Variants in HHLA1 observed in about 807,000 individuals in gnomAD.
The protein encoded by HHLA1 is HHLA1 neighbor of OC90.
HHLA1 carries 72 observed loss-of-function variants against 69.9 expected under a neutral mutation model. The ratio of observed to expected loss-of-function variants is 1.03; its 90% CI spans 0.85 to 1.25. The LOEUF (loss-of-function observed/expected upper bound fraction) is 1.25. HHLA1 is among the 50% of genes most tolerant of loss of function. The pLI, the probability that HHLA1 is intolerant of heterozygous loss-of-function variation, is 0.00. For missense variants in HHLA1, 685 were observed against 642.2 expected (o/e 1.07, Z -0.72); for synonymous variants, 252 against 233.2 (o/e 1.08, Z -0.73).
chr8:132,077,864 C>T lies in HHLA1; in HGVS notation c.1033G>A (p.Gly345Arg), dbSNP rs1823673164. 1.3e-6 allele frequency: 2 copies of T among 1,551,518 alleles called. No individual in the cohort carries two copies. The highest frequency in any genetic ancestry group is 1.7e-6 in the Non-Finnish European group (2 of 1,146,958). Residue 345 changes from glycine to arginine, a missense_variant, in exon 12 of 17, where the codon GGG (glycine) becomes AGG (arginine). Transcript: ENST00000414222. The stretch of plus-strand genomic sequence containing the variant: ...GAAGAACGAGTTTCCCAGAGAGACC[C>T]TCCAGGTTTTTTCTCACTGATGGTC... ...AQTISEKKPGGSLWETRSSPP... is the reference protein window; with the variant it reads ...AQTISEKKPGRSLWETRSSPP...
At chr8:132,083,660 G>A (rs1176361350) in intron 10 of HHLA1, among the ~76,000 whole-genome samples, 8 of 152,146 alleles carry the variant, frequency 5.3e-5, no homozygotes, top group South Asian at 2.1e-4. Flanking sequence ...CCCAGGCTGC[G>A]GGCATTCCTT....
intron 1 of HHLA1, among the ~76,000 whole-genome samples, chr8:132,109,483 A>G (rs1824261478): frequency 6.6e-6 from 1 of 152,224 alleles, no homozygotes; most frequent in Non-Finnish European, 1.5e-5. Context: ...TTTAATTTGC[A>G]GGACCTCATA....
At chr8:132,076,258 AAG>A in intron 13 of HHLA1, 129 bp from the exon 14 acceptor site, 1 of 792,202 alleles carries the variant, frequency 1.3e-6, no homozygotes, top group Non-Finnish European at 2.0e-6. Context: ...ATAGCCAAAA[AAG>A]GGGAAGTGAT....
Position 132,077,753 on chromosome 8 carries a change from T to C in HHLA1, c.1144A>G (p.Ser382Gly), listed in dbSNP as rs1823669584. 6.4e-7 allele frequency: 1 copy of C among 1,551,724 alleles called. No individual in the cohort carries two copies. ...AAGGTAGGGCTGGCCTGGGATGGGC[T>C]GCCAGGTGTGGCCATTATCTCAGCA... The part of the protein sequence containing the change: ...PAAEIMATPG[S>G]PSQASPTLGA... The change falls in exon 12 of 17, where the codon AGC becomes GGC. Residue 382 changes from serine to glycine, a missense_variant. Coordinates refer to ENST00000414222, the MANE Select transcript of HHLA1 (RefSeq NM_001145095.3).
intron 14 of HHLA1, among the ~76,000 whole-genome samples, chr8:132,073,056 TTTGACATG>T: frequency 6.6e-6 from 1 of 152,378 alleles, no homozygotes; most frequent in Middle Eastern, 3.4e-3. Context: ...CAATAATATC[TTTGACATG>T]TTGACATGTA....
intron 13 of HHLA1, 42 bp downstream of exon 13, chr8:132,076,433 T>TG: frequency 2.9e-6 from 1 of 349,206 alleles, no homozygotes; most frequent in Non-Finnish European, 5.3e-6. Context: ...ACCCCTCCCA[T>TG]CCCCCACCCC....
intron 10 of HHLA1, among the ~76,000 whole-genome samples, chr8:132,084,970 G>T (rs1039550975): frequency 6.6e-6 from 1 of 150,986 alleles, no homozygotes; most frequent in Non-Finnish European, 1.5e-5. Context: ...AAAGTGGGAT[G>T]TGCCGCTAAG....
intron 14 of HHLA1, among the ~76,000 whole-genome samples, chr8:132,074,859 GT>G (rs1823608194): frequency 6.6e-6 from 1 of 152,062 alleles, no homozygotes; most frequent in Admixed American, 6.6e-5. Flanking sequence ...GAGTGGGTAG[GT>G]TAATAAATAG....
chr8:132,081,578 A>G (rs900041862), intron 10 of HHLA1, among the ~76,000 whole-genome samples: 2 of 152,204 alleles, frequency 1.3e-5, no homozygotes, highest in African/African-American at 2.4e-5. Context: ...GACTGTATTG[A>G]GGTGGGAAGG....
Position 132,089,618 on chromosome 8 carries a change from A to G in HHLA1, c.449-19T>C. On this transcript the variant is annotated intron_variant, in intron 7 of 16. Coordinates refer to ENST00000414222, the MANE Select transcript of HHLA1 (RefSeq NM_001145095.3). ...GTAAAATCTGCAAGACAAATTTAGG[A>G]GGTTTAAATTTCTGCTTCAGAGACA... 8.2e-7 allele frequency: 1 copy of G among 1,220,890 alleles called. No individual in the cohort carries two copies. Among genetic ancestry groups the G allele is most frequent in the Non-Finnish European group, 1.2e-6 (1 of 844,468 alleles). The allele number at this position is 1,220,890 out of a possible 1,614,324, so 75.6% of individuals were successfully genotyped here. A position where few individuals can be genotyped will look rare whatever the true frequency, so the allele number is the denominator to read the frequency against.
At chr8:132,093,600 A>T (rs1823977017) in intron 7 of HHLA1, among the ~76,000 whole-genome samples, 1 of 152,220 alleles carries the variant, frequency 6.6e-6, no homozygotes, top group African/African-American at 2.4e-5. Flanking sequence ...TACCAGAGGA[A>T]CACCAGGCAA....
chr8:132,085,168 CAGAG>C (rs1204754951), intron 10 of HHLA1, among the ~76,000 whole-genome samples: 1 of 152,152 alleles, frequency 6.6e-6, no homozygotes, highest in Middle Eastern at 3.2e-3. Flanking sequence ...AGTGTATAAT[CAGAG>C]AGGCATCCCT....
intron 1 of HHLA1, among the ~76,000 whole-genome samples, chr8:132,109,260 G>A (rs1358680633): frequency 6.6e-6 from 1 of 152,150 alleles, no homozygotes; most frequent in Non-Finnish European, 1.5e-5. Flanking sequence ...GGAGCTCATG[G>A]CATAGTTGTT....
rs918218884 is a variant in HHLA1, at chr8:132,094,925, A to G, written c.448+594T>C. ...TTTATTTTTCAGTATTCTCTAAAAT[A>G]GGGAACACATAATACTTTAAAGTTT... On this transcript the variant is annotated intron_variant, in intron 7 of 16. Transcript: ENST00000414222. Among the ~76,000 whole-genome samples the G allele has an allele frequency of 2.0e-5, 3 of 152,240 alleles. No homozygotes were observed. In the East Asian group the frequency reaches 5.8e-4, roughly 29 times the overall value.
At chr8:132,106,738 CA>C (rs1166618439) in intron 1 of HHLA1, among the ~76,000 whole-genome samples, 1 of 152,188 alleles carries the variant, frequency 6.6e-6, no homozygotes, top group Non-Finnish European at 1.5e-5. Context: ...AATTCACACT[CA>C]AGGCTGGCTG....
At chr8:132,079,579 C>A (rs1823703904) in intron 11 of HHLA1, 139 bp downstream of exon 11, 1 of 911,530 alleles carries the variant, frequency 1.1e-6, no homozygotes, top group Non-Finnish European at 1.6e-6. Flanking sequence ...TCATACAGAT[C>A]TGTTATTTAA....
In HHLA1 at chr8:132,080,307, G is replaced by A. The variant is rs965810018; in HGVS notation, c.677-341C>T. 6.8e-5 allele frequency: 25 copies of A among 366,850 alleles called. 1 individual carries two copies. The highest frequency in any genetic ancestry group is 7.1e-4 in the Middle Eastern group (1 of 1,402). 22.7% of individuals were successfully genotyped at this position (366,850 alleles called of 1,614,324 possible). ...AGCAATAAAGCTGTTTATTTCACCT[G>A]GGTGCAGGCGGGCTGAGTCCGAAAA... On this transcript the variant is annotated intron_variant, in intron 10 of 16. Coordinates refer to ENST00000414222, the MANE Select transcript of HHLA1 (RefSeq NM_001145095.3).
intron 1 of HHLA1, among the ~76,000 whole-genome samples, chr8:132,107,513 C>A (rs1405850269): frequency 2.0e-5 from 3 of 152,090 alleles, no homozygotes; most frequent in Admixed American, 6.6e-5. Flanking sequence ...GTTGGTCAGG[C>A]TGGTCTCGAC....
chr8:132,065,902 C>A lies in HHLA1; in HGVS notation c.1536G>T (p.Arg512Ser), dbSNP rs1247433934. The A allele has an allele frequency of 4.6e-6, 6 of 1,301,310 alleles. No individual in the cohort carries two copies. The highest frequency in any genetic ancestry group is 6.1e-6 in the Non-Finnish European group (6 of 985,266). The allele number at this position is 1,301,310 out of a possible 1,614,324, so 80.6% of individuals were successfully genotyped here. A position where few individuals can be genotyped will look rare whatever the true frequency, so the allele number is the denominator to read the frequency against. The change falls in exon 16 of 17, where the codon AGG becomes AGT. Residue 512 changes from arginine (R) to serine (S), a missense_variant. By Grantham distance (110) the Arg-to-Ser change is moderately radical. Coordinates refer to ENST00000414222, the MANE Select transcript of HHLA1 (RefSeq NM_001145095.3). Reference sequence around the variant, plus strand: ...TGTACTTACTGTGCGAGTGGGACACCCTTTTCACCCTCTGACAGATATATG... The same window carrying A: ...TGTACTTACTGTGCGAGTGGGACACACTTTTCACCCTCTGACAGATATATG... Reference protein sequence around the residue: ...NATYICQRVKRVSHSHTLKQK... With the variant: ...NATYICQRVKSVSHSHTLKQK...
Sources: gnomAD v4.1 joint callset for allele counts (sites outside exome capture counted in the v4.1 genomes callset) on GRCh38, gnomAD v4.1.1 for gene constraint, MANE v1.5 for transcripts, NCBI Gene and HGNC (gene_info 2026-07-23, HGNC 2026-07-21) for gene names.